Variants in TRDN observed in about 807,000 individuals in gnomAD.
The protein encoded by TRDN is triadin in skeletal muscle.
A neutral mutation model predicts 149.7 loss-of-function variants in TRDN; 161 were observed. The ratio of observed to expected loss-of-function variants is 1.08; its 90% CI spans 0.95 to 1.23. The LOEUF (loss-of-function observed/expected upper bound fraction) is 1.23, where lower values mean the gene tolerates loss of function less well. Among genes scored for constraint, TRDN ranks in the 50% most tolerant of loss-of-function variants. The pLI, the probability that TRDN is intolerant of heterozygous loss-of-function variation, is 0.00. For synonymous variants in TRDN, 294 were observed against 250.5 expected, an observed-to-expected ratio of 1.17 and a Z score of -1.64; for missense variants, 896 against 823.5, an observed-to-expected ratio of 1.09 and a Z score of -1.08.
intron 10 of TRDN, among the ~76,000 whole-genome samples, chr6:123,457,037 G>A (rs1776169222): frequency 6.6e-6 from 1 of 152,208 alleles, no homozygotes; most frequent in Non-Finnish European, 1.5e-5. Flanking sequence ...CTGACACAAG[G>A]AAGTTTCACT....
intron 1 of TRDN, among the ~76,000 whole-genome samples, chr6:123,588,262 G>T (rs116203330): frequency 6.5e-4 from 99 of 152,236 alleles, no homozygotes; most frequent in African/African-American, 2.3e-3. Context: ...TTCTTGTAGG[G>T]TCTGCTATCT....
At chr6:123,539,136 A>T (rs1780696364) in intron 4 of TRDN, among the ~76,000 whole-genome samples, 1 of 151,540 alleles carries the variant, frequency 6.6e-6, no homozygotes, top group South Asian at 2.1e-4. Context: ...ATGACAAGGA[A>T]ATTTTTAGAG....
chr6:123,561,514 C>A (rs1438141126), intron 2 of TRDN, among the ~76,000 whole-genome samples: 1 of 152,082 alleles, frequency 6.6e-6, no homozygotes, highest in Non-Finnish European at 1.5e-5. Context: ...ACTTGAACTG[C>A]ACCCCAAAAA....
At chr6:123,319,831 T>C (rs1013992557) in intron 23 of TRDN, among the ~76,000 whole-genome samples, 3 of 152,078 alleles carry the variant, frequency 2.0e-5, no homozygotes, top group African/African-American at 7.2e-5. Flanking sequence ...TTCCAGGCTG[T>C]TGATTTCATT....
chr6:123,237,976 G>T (rs1775850877), intron 38 of TRDN, among the ~76,000 whole-genome samples: 1 of 152,150 alleles, frequency 6.6e-6, no homozygotes, highest in Non-Finnish European at 1.5e-5. Context: ...GAAAACAATA[G>T]AGTTGAATAA....
chr6:123,381,123 A>G (rs1001816233), intron 16 of TRDN, among the ~76,000 whole-genome samples: 2 of 152,110 alleles, frequency 1.3e-5, no homozygotes, highest in Non-Finnish European at 2.9e-5. Context: ...TTTTGATTAC[A>G]AGCCCGTCAA....
At chr6:123,615,537 T>TACACACACAC (rs59953395) in intron 1 of TRDN, among the ~76,000 whole-genome samples, 1 of 149,110 alleles carries the variant, frequency 6.7e-6, no homozygotes, top group African/African-American at 2.4e-5. Context: ...AACATGTATA[T>TACACACACAC]ACACACACAC....
At chr6:123,424,249 G>A (rs1583002354) in intron 12 of TRDN, among the ~76,000 whole-genome samples, 1 of 152,110 alleles carries the variant, frequency 6.6e-6, no homozygotes, top group African/African-American at 2.4e-5. Flanking sequence ...CTAACCTGCA[G>A]TCTTTAACTC....
chr6:123,218,173 G>T lies in TRDN; in HGVS notation c.*428C>A, dbSNP rs1382101306. 6.6e-6 allele frequency: 1 copy of T among 152,322 alleles called. No individual in the cohort carries two copies. Among genetic ancestry groups the T allele is most frequent in the African/African-American group, 2.4e-5 (1 of 41,348 alleles). 9.4% of individuals were successfully genotyped at this position (152,322 alleles called of 1,614,324 possible). The stretch of plus-strand genomic sequence containing the variant: ...TTAGATACCCATATGATGCAAAAGG[G>T]TCACTTTTATATAAGCTTCCCCATC... On this transcript the variant is annotated 3_prime_UTR_variant, in exon 41 of 41. Coordinates refer to ENST00000334268, the MANE Select transcript of TRDN (RefSeq NM_006073.4).
At chr6:123,601,578 T>A (rs942995874) in intron 1 of TRDN, among the ~76,000 whole-genome samples, 2 of 152,048 alleles carry the variant, frequency 1.3e-5, no homozygotes, top group African/African-American at 4.8e-5. Context: ...TAAAAGGAGT[T>A]CCCTCCTCTA....
intron 24 of TRDN, among the ~76,000 whole-genome samples, chr6:123,290,125 T>C (rs1471490453): frequency 6.6e-6 from 1 of 152,158 alleles, no homozygotes; most frequent in Non-Finnish European, 1.5e-5. Flanking sequence ...CCTTAGGGAC[T>C]CCGGGATAGT....
chr6:123,538,578 G>C (rs9490803), intron 4 of TRDN, among the ~76,000 whole-genome samples: 2,969 of 151,968 alleles, frequency 0.02, 94 homozygotes, highest in African/African-American at 0.069. Context: ...TGACTTAATG[G>C]GCAACCACTC....
intron 2 of TRDN, among the ~76,000 whole-genome samples, chr6:123,552,088 T>C (rs1781423954): frequency 6.6e-6 from 1 of 152,144 alleles, no homozygotes; most frequent in Non-Finnish European, 1.5e-5. Flanking sequence ...GAAATCACTC[T>C]ACCTTCAGCA....
rs189551080 is a variant in TRDN at position 123,377,862 on chromosome 6, T to C, written c.1219+4A>G. 6.0e-5 allele frequency: 95 copies of C among 1,570,674 alleles called. No individual in the cohort carries two copies. In the East Asian group the frequency reaches 1.7e-3, roughly 29 times the overall value. ...TGAGAACAGAGGAATTTAAAAACAG[T>C]TACCTGGTTCCACATGTTTTTCTTT... On this transcript the variant is annotated splice_donor_region_variant and intron_variant, in intron 17 of 40. Transcript: ENST00000334268.
intron 21 of TRDN, among the ~76,000 whole-genome samples, chr6:123,345,066 T>C (rs1304419779): frequency 3.9e-5 from 6 of 152,038 alleles, no homozygotes; most frequent in Admixed American, 2.6e-4. Flanking sequence ...CTTATATATT[T>C]TTTTTCTTTC....
Position 123,252,021 on chromosome 6 carries a change from T to C in TRDN, c.1975+391A>G, listed in dbSNP as rs555651178. 1.4e-3 allele frequency among the ~76,000 whole-genome samples: 215 copies of C among 152,182 alleles called. 2 individuals are homozygous for C. The highest frequency in any genetic ancestry group is 5.0e-3 in the African/African-American group (206 of 41,580). ...CAATTTTATTTAGGTTAACGAACAC[T>C]AGAAAACAGCAGCAAAAGCATCACT... On this transcript the variant is annotated intron_variant, in intron 38 of 40. Coordinates refer to ENST00000334268, the MANE Select transcript of TRDN (RefSeq NM_006073.4).
chr6:123,370,098 T>A (rs1781264956), intron 19 of TRDN, among the ~76,000 whole-genome samples: 1 of 152,156 alleles, frequency 6.6e-6, no homozygotes, highest in South Asian at 2.1e-4. Context: ...CACATTCTAA[T>A]GAATAGCAAT....
chr6:123,218,900 T>C (rs138338809), intron 40 of TRDN, among the ~76,000 whole-genome samples, 160 bp from the exon 41 acceptor site: 51 of 152,038 alleles, frequency 3.4e-4, no homozygotes, highest in African/African-American at 1.2e-3. Context: ...AGTCTTTATG[T>C]ATAACATCAA....
chr6:123,278,663 G>A (rs912324178), intron 25 of TRDN, among the ~76,000 whole-genome samples: 3 of 152,162 alleles, frequency 2.0e-5, no homozygotes, highest in Non-Finnish European at 4.4e-5. Flanking sequence ...CCAGCTACTG[G>A]GGAGGCTGAG....
Sources: gnomAD v4.1 joint callset for allele counts (sites outside exome capture counted in the v4.1 genomes callset) on GRCh38, gnomAD v4.1.1 for gene constraint, MANE v1.5 for transcripts, NCBI Gene and HGNC (gene_info 2026-07-23, HGNC 2026-07-21) for gene names.